KIR2DL1: variants seen among roughly 807,000 people sequenced by gnomAD.
The protein encoded by KIR2DL1 is killer cell immunoglobulin-like receptor 2DL1.
A neutral mutation model predicts 33.9 loss-of-function variants in KIR2DL1; 38 were observed. The ratio of observed to expected loss-of-function variants is 1.12; its 90% CI spans 0.86 to 1.47. The LOEUF (loss-of-function observed/expected upper bound fraction) is 1.47. Among genes scored for constraint, KIR2DL1 ranks in the 40% most tolerant of loss-of-function variants. The pLI is 0.00. For missense variants in KIR2DL1, 531 were observed against 433.9 expected (o/e 1.22, Z -1.99); for synonymous variants, 179 against 165.9 (o/e 1.08, Z -0.61).
intron 5 of KIR2DL1, among the ~76,000 whole-genome samples, chr19:54,778,990 G>C (rs1329865306): frequency 1.4e-5 from 2 of 146,796 alleles, no homozygotes; most frequent in Admixed American, 7.0e-5. Flanking sequence ...AGAGAGGGAA[G>C]GGAAGGGAAC....
intron 4 of KIR2DL1, among the ~76,000 whole-genome samples, chr19:54,776,546 A>G (rs1275004206): frequency 6.8e-6 from 1 of 146,890 alleles, no homozygotes; most frequent in Non-Finnish European, 1.5e-5. Context: ...CACCAATCAT[A>G]CGAGTGCAGA....
intron 7 of KIR2DL1, 47 bp from the exon 8 acceptor site, chr19:54,783,590 T>G (rs1400502450): frequency 6.2e-7 from 1 of 1,613,852 alleles, no homozygotes; most frequent in East Asian, 2.2e-5. Context: ...CAAAGAGTCC[T>G]GGAAAATGTG....
In KIR2DL1 at chr19:54,775,200, G is replaced by T. The variant is rs755160637; in HGVS notation, c.406G>T (p.Gly136Cys). Residue 136 changes from glycine (G) to cysteine (C), a missense_variant, in exon 4 of 8, where the codon GGC becomes TGC. Physicochemically the swap from Gly to Cys is radical, Grantham distance 159 (BLOSUM62 -3). Transcript: ENST00000336077. ...YEKPSLSAQL[G>C]PTVLAGENVT... ...GAAACCTTCTCTCTCAGCCCAGCTG[G>T]GCCCCACGGTTCTGGCAGGAGAGAA... 38 of 1,594,642 alleles carry T rather than the reference G, an allele frequency of 2.4e-5. No homozygotes were observed. The South Asian group carries it at 2.5e-4, about 10-fold the overall frequency.
At chr19:54,778,559 A>G in intron 4 of KIR2DL1, 53 bp from the exon 5 acceptor site, 2 of 1,453,372 alleles carry the variant, frequency 1.4e-6, no homozygotes, top group East Asian at 2.3e-5. Flanking sequence ...ATTTCCACTG[A>G]GTGGAGGACA....
intron 5 of KIR2DL1, 123 bp from the exon 6 acceptor site, chr19:54,782,799 C>A (rs1180922574): frequency 3.0e-6 from 3 of 1,013,226 alleles, no homozygotes; most frequent in Non-Finnish European, 4.6e-6. Flanking sequence ...GGGTCTCCTG[C>A]CATCTGGGTG....
intron 2 of KIR2DL1, among the ~76,000 whole-genome samples, chr19:54,772,890 G>C (rs771219302): frequency 1.4e-5 from 2 of 145,300 alleles, no homozygotes; most frequent in Non-Finnish European, 3.1e-5. Flanking sequence ...GTGGCTCCCA[G>C]TCCCTACCAG....
rs1373248802 is a variant in KIR2DL1, at chr19:54,777,961, G to C, written c.665-651G>C. ...CTGATTGTGAGTTCTTGGCATCTTT[G>C]TCAAAGTCCATTGGATGGGCTGGGC... On this transcript the variant is annotated intron_variant, in intron 4 of 7. Coordinates refer to ENST00000336077, the MANE Select transcript of KIR2DL1 (RefSeq NM_014218.3). 2.7e-5 allele frequency among the ~76,000 whole-genome samples: 4 copies of C among 148,430 alleles called. No homozygotes were observed. In the South Asian group the frequency reaches 8.5e-4, roughly 32 times the overall value.
rs538802551 is a variant in KIR2DL1 at position 54,780,252 on chromosome 19, A to T, written c.715+1590A>T. 6.2e-4 allele frequency: 278 copies of T among 448,824 alleles called. 10 individuals carry two copies. The East Asian group carries it at 8.5e-3, about 14-fold the overall frequency. 27.8% of individuals were successfully genotyped at this position (448,824 alleles called of 1,614,324 possible). On this transcript the variant is annotated intron_variant, in intron 5 of 7. Transcript: ENST00000336077. ...AATGCTGAGTGTATGATTTCAGGTG[A>T]CAAAGAAGGTCTCACTATTCAGATA...
intron 5 of KIR2DL1, 98 bp from the exon 6 acceptor site, chr19:54,782,824 G>A (rs657547): frequency 0.25 from 318,304 of 1,268,036 alleles, 15,229 homozygotes; most frequent in South Asian, 0.32. Flanking sequence ...TCCTAAAGAG[G>A]TGTTTTATGT....
intron 3 of KIR2DL1, among the ~76,000 whole-genome samples, chr19:54,774,482 C>A (rs1171661125): frequency 6.8e-6 from 1 of 147,362 alleles, no homozygotes; most frequent in African/African-American, 2.5e-5. Flanking sequence ...CTAGAGAGAC[C>A]GAGAGGCAGA....
intron 2 of KIR2DL1, among the ~76,000 whole-genome samples, chr19:54,771,407 T>C (rs1400673030): frequency 6.7e-6 from 1 of 148,362 alleles, no homozygotes. Context: ...AGTCTCTTAC[T>C]CAGCACTTGC....
intron 5 of KIR2DL1, among the ~76,000 whole-genome samples, chr19:54,780,437 C>T (rs1200117930): frequency 1.5e-5 from 2 of 136,688 alleles, no homozygotes; most frequent in Non-Finnish European, 1.6e-5. Context: ...GGGAGAATGA[C>T]AAGACGACTG....
chr19:54,783,021 A>C lies in KIR2DL1; in HGVS notation c.815A>C (p.Lys272Thr), dbSNP rs748216142. The C allele has an allele frequency of 3.4e-5, 55 of 1,613,288 alleles. No homozygotes were observed. The highest frequency in any genetic ancestry group is 5.0e-5 in the Admixed American group (3 of 60,006). Reference sequence around the variant, plus strand: ...CTTCATCGCTGGTGCTCCAACAAAAAAAGTAAGTCTCACGAAGCAGAGGCC... The same window carrying C: ...CTTCATCGCTGGTGCTCCAACAAAACAAGTAAGTCTCACGAAGCAGAGGCC... Reference protein sequence around the residue: ...FLLHRWCSNKKNAAVMDQESA... With the variant: ...FLLHRWCSNKTNAAVMDQESA... The change falls in exon 6 of 8, where the codon AAA (lysine) becomes ACA (threonine). Residue 272 changes from lysine to threonine, a missense_variant and splice_region_variant. Lys to Thr is a moderately conservative substitution (Grantham distance 78, BLOSUM62 -1). Transcript: ENST00000336077.
intron 5 of KIR2DL1, among the ~76,000 whole-genome samples, chr19:54,779,449 G>T (rs1456895461): frequency 6.8e-6 from 1 of 147,480 alleles, no homozygotes; most frequent in African/African-American, 2.5e-5. Flanking sequence ...ACAAAGACTG[G>T]TCACATCTCA....
At chr19:54,781,710 G>C (rs2147620687) in intron 5 of KIR2DL1, among the ~76,000 whole-genome samples, 1 of 152,212 alleles carries the variant, frequency 6.6e-6, no homozygotes. Flanking sequence ...ATCACAAAGA[G>C]CAGCAGGTTT....
Position 54,769,842 on chromosome 19 carries a change from G to C in KIR2DL1, c.-9G>C. On this transcript the variant is annotated 5_prime_UTR_variant, in exon 1 of 8. Transcript: ENST00000336077. ...TCGGTCGCGGCTGCCTGTCTGCTCC[G>C]GCAGCACCATGTCGCTCTTGGTCGT... 6.4e-7 allele frequency: 1 copy of C among 1,569,506 alleles called. No individual in the cohort carries two copies. Among genetic ancestry groups the C allele is most frequent in the Non-Finnish European group, 8.7e-7 (1 of 1,147,118 alleles).
At chr19:54,782,434 C>G (rs1342772911) in intron 5 of KIR2DL1, among the ~76,000 whole-genome samples, 1 of 152,064 alleles carries the variant, frequency 6.6e-6, no homozygotes. Flanking sequence ...TGCTCCCACT[C>G]TGGCAGAAGG....
rs542005640 is a variant in KIR2DL1, at chr19:54,782,020, A to T, written c.716-902A>T. 4.5e-4 allele frequency among the ~76,000 whole-genome samples: 68 copies of T among 152,170 alleles called. 1 individual carries two copies. Among genetic ancestry groups the T allele is most frequent in the African/African-American group, 1.5e-3 (64 of 41,492 alleles). On this transcript the variant is annotated intron_variant, in intron 5 of 7. Coordinates refer to ENST00000336077, the MANE Select transcript of KIR2DL1 (RefSeq NM_014218.3). ...AATACGTTACATAGGCAGGTTCATTACTAACAGATAAGCAGCGAGTGACAA... is the reference window on the plus strand; with the variant it reads ...AATACGTTACATAGGCAGGTTCATTTCTAACAGATAAGCAGCGAGTGACAA...
At chr19:54,777,319 A>G (rs28891118) in intron 4 of KIR2DL1, among the ~76,000 whole-genome samples, 42,453 of 125,446 alleles carry the variant, frequency 0.34, 6,032 homozygotes, top group South Asian at 0.46. Context: ...TCAAACTCCC[A>G]ACCTTATGAG....
Sources: gnomAD v4.1 joint callset for allele counts (sites outside exome capture counted in the v4.1 genomes callset) on GRCh38, gnomAD v4.1.1 for gene constraint, MANE v1.5 for transcripts, NCBI Gene and HGNC (gene_info 2026-07-23, HGNC 2026-07-21) for gene names.